The following ADGRL3 variants were observed in gnomAD, a reference collection of about 807,000 sequenced individuals.
The protein encoded by ADGRL3 is calcium-independent alpha-latrotoxin receptor 3.
In ADGRL3, 62 loss-of-function variants were observed where a neutral mutation model predicts 153.5. The observed-to-expected ratio is 0.40, with a 90% CI of 0.33 to 0.50. ADGRL3 has a LOEUF of 0.50. Ranked by LOEUF, ADGRL3 falls within the 20% of genes least tolerant of loss-of-function variation. The pLI is 0.47. For missense variants in ADGRL3, 1,641 were observed against 1,859.4 expected, an observed-to-expected ratio of 0.88 and a Z score of 2.16; for synonymous variants, 710 against 672.5, an observed-to-expected ratio of 1.06 and a Z score of -0.86.
intron 4 of ADGRL3, among the ~76,000 whole-genome samples, chr4:61,539,848 G>A (rs919154088): frequency 6.6e-6 from 1 of 152,086 alleles, no homozygotes; most frequent in Non-Finnish European, 1.5e-5. Flanking sequence ...AGTCCCTCAG[G>A]GGACTGTCTC....
At chr4:61,726,765 A>G (rs913772485) in intron 6 of ADGRL3, among the ~76,000 whole-genome samples, 1 of 152,132 alleles carries the variant, frequency 6.6e-6, no homozygotes, top group African/African-American at 2.4e-5. Context: ...TTGTTTATAA[A>G]TTATTTAATA....
chr4:61,705,796 G>T (rs946607761), intron 6 of ADGRL3, among the ~76,000 whole-genome samples: 1 of 152,088 alleles, frequency 6.6e-6, no homozygotes, highest in Non-Finnish European at 1.5e-5. Context: ...GAACCACTGC[G>T]CCCAGTCGAG....
chr4:61,285,494 A>T lies in ADGRL3; in HGVS notation c.-240+83729A>T, dbSNP rs191600101. ...TTTGGGTTGGTTCTCATGTATTTAT[A>T]TATTTTTTTAGCAGTGTTGCCCCAC... is the stretch of plus-strand genomic sequence containing the variant. On this transcript the variant is annotated intron_variant, in intron 1 of 26. Coordinates refer to ENST00000683033, the MANE Select transcript of ADGRL3 (RefSeq NM_001387552.1). 1.9e-4 allele frequency among the ~76,000 whole-genome samples: 29 copies of T among 151,892 alleles called. No individual in the cohort carries two copies. In the East Asian group the frequency reaches 4.3e-3, roughly 22 times the overall value.
At chr4:61,615,267 T>G (rs2091866013) in intron 5 of ADGRL3, among the ~76,000 whole-genome samples, 1 of 152,126 alleles carries the variant, frequency 6.6e-6, no homozygotes, top group African/African-American at 2.4e-5. Context: ...ATGTGCCCAG[T>G]GTTTTGCTGG....
chr4:61,735,639 C>CTCT (rs1330404042), intron 8 of ADGRL3, among the ~76,000 whole-genome samples: 1 of 152,000 alleles, frequency 6.6e-6, no homozygotes, highest in African/African-American at 2.4e-5. Flanking sequence ...CCTTTTTTGA[C>CTCT]TCTTAACTGG....
chr4:61,473,209 TTGTGTGTGTGTGTGTGTGTGTG>T (rs35633555), intron 2 of ADGRL3, among the ~76,000 whole-genome samples: 1 of 149,120 alleles, frequency 6.7e-6, no homozygotes, highest in African/African-American at 2.5e-5. Context: ...TTGTATGTGT[TTGTGTGTGTGTGTGTGTGTGTG>T]TGTGTGTGTG....
At chr4:61,374,387 T>G (rs918290146) in intron 1 of ADGRL3, among the ~76,000 whole-genome samples, 2 of 152,194 alleles carry the variant, frequency 1.3e-5, no homozygotes, top group South Asian at 2.1e-4. Context: ...GGCCTCTCCA[T>G]GAAGTTGAGT....
intron 9 of ADGRL3, among the ~76,000 whole-genome samples, chr4:61,839,553 ATTG>A (rs2097994217): frequency 6.6e-6 from 1 of 150,958 alleles, no homozygotes; most frequent in Non-Finnish European, 1.5e-5. Context: ...TTTTGTTGTT[ATTG>A]TTGTTGTTTT....
At chr4:61,629,281 T>C (rs2093010685) in intron 5 of ADGRL3, among the ~76,000 whole-genome samples, 1 of 152,146 alleles carries the variant, frequency 6.6e-6, no homozygotes, top group South Asian at 2.1e-4. Flanking sequence ...GGCAATGTAG[T>C]GAGAGTAATT....
chr4:61,849,585 C>T (rs1425520389), intron 9 of ADGRL3, among the ~76,000 whole-genome samples: 4 of 151,976 alleles, frequency 2.6e-5, no homozygotes, highest in Non-Finnish European at 5.9e-5. Flanking sequence ...TATTAAACAT[C>T]CTTCTCTGCA....
At chr4:61,560,133 C>G (rs1430935300) in intron 4 of ADGRL3, among the ~76,000 whole-genome samples, 2 of 152,052 alleles carry the variant, frequency 1.3e-5, no homozygotes, top group Non-Finnish European at 2.9e-5. Flanking sequence ...GTCTAACCTC[C>G]ATACTTCTAT....
intron 25 of ADGRL3, among the ~76,000 whole-genome samples, chr4:62,061,024 C>G (rs1312425910): frequency 1.3e-5 from 2 of 151,900 alleles, no homozygotes; most frequent in Non-Finnish European, 2.9e-5. Context: ...CTCTAGAGAT[C>G]TGACAAGTGA....
At chr4:61,228,189 A>C (rs893151884) in intron 1 of ADGRL3, among the ~76,000 whole-genome samples, 3 of 152,098 alleles carry the variant, frequency 2.0e-5, no homozygotes, top group African/African-American at 7.3e-5. Context: ...TGACTTTTTA[A>C]AAAGTAATGA....
At chr4:61,360,787 T>C (rs746085934) in intron 1 of ADGRL3, among the ~76,000 whole-genome samples, 5 of 152,152 alleles carry the variant, frequency 3.3e-5, no homozygotes, top group Non-Finnish European at 7.4e-5. Flanking sequence ...TACTTTTTAG[T>C]GTATGGTGTA....
At chr4:61,700,069 G>A (rs1018169927) in intron 6 of ADGRL3, among the ~76,000 whole-genome samples, 14 of 152,174 alleles carry the variant, frequency 9.2e-5, no homozygotes, top group African/African-American at 3.4e-4. Flanking sequence ...TGAGGAAAGA[G>A]TAAGGAGGGA....
chr4:61,248,565 G>A (rs1452672975), intron 1 of ADGRL3, among the ~76,000 whole-genome samples: 2 of 152,054 alleles, frequency 1.3e-5, no homozygotes, highest in African/African-American at 4.8e-5. Flanking sequence ...GCTGACAAAA[G>A]GGATGAAATG....
intron 2 of ADGRL3, among the ~76,000 whole-genome samples, chr4:61,448,800 G>GC (rs2097628385): frequency 1.0e-5 from 1 of 96,848 alleles, no homozygotes; most frequent in Admixed American, 1.3e-4. Flanking sequence ...GGGTAGGAGG[G>GC]AGGAAGGGAG....
At chr4:61,916,458 A>T (rs1335500922) in intron 13 of ADGRL3, among the ~76,000 whole-genome samples, 1 of 152,094 alleles carries the variant, frequency 6.6e-6, no homozygotes, top group African/African-American at 2.4e-5. Context: ...AGCATAGTGA[A>T]AACCATGTCT....
intron 5 of ADGRL3, among the ~76,000 whole-genome samples, chr4:61,664,145 G>T (rs1413702072): frequency 6.6e-6 from 1 of 152,142 alleles, no homozygotes; most frequent in Non-Finnish European, 1.5e-5. Flanking sequence ...GAAAACAAAT[G>T]TAATGTTTTG....
Sources: gnomAD v4.1 joint callset for allele counts (sites outside exome capture counted in the v4.1 genomes callset) on GRCh38, gnomAD v4.1.1 for gene constraint, MANE v1.5 for transcripts, NCBI Gene and HGNC (gene_info 2026-07-23, HGNC 2026-07-21) for gene names.